Variants in REPS1 observed in about 807,000 individuals in gnomAD.
REPS1 encodes the protein RALBP1 associated Eps domain containing 1, also known as ralBP1-associated Eps domain-containing protein 1.
A neutral mutation model predicts 100.9 loss-of-function variants in REPS1; 39 were observed. The observed-to-expected ratio is 0.39, with a 90% confidence interval of 0.30 to 0.50. The LOEUF (loss-of-function observed/expected upper bound fraction) is 0.50, where lower values mean the gene tolerates loss of function less well. Among genes scored for constraint, REPS1 ranks in the 20% least tolerant of loss-of-function variants. REPS1 has a pLI of 0.86. For missense variants in REPS1, 821 were observed against 968.5 expected, an observed-to-expected ratio of 0.85 and a Z score of 2.02; for synonymous variants, 324 against 340.3, an observed-to-expected ratio of 0.95 and a Z score of 0.53.
At position 138,916,182 on chromosome 6, in the gene REPS1, T is replaced by A. The variant is rs1780364821; in HGVS notation, c.1602-206A>T. 5 of 515,946 alleles carry A rather than the reference T, an allele frequency of 9.7e-6. No individual in the cohort carries two copies. In the South Asian group the frequency reaches 1.1e-4, roughly 11 times the overall value. 32.0% of individuals were successfully genotyped at this position (515,946 alleles called of 1,614,324 possible). A position where few individuals can be genotyped will look rare whatever the true frequency, so the allele number is the denominator to read the frequency against. On this transcript the variant is annotated intron_variant, in intron 13 of 19. Coordinates refer to ENST00000450536, the MANE Select transcript of REPS1 (RefSeq NM_001286611.2). ...TGATTATTTTATGTGGCTAACAATT[T>A]TTTTAATAAAGTTATTAAGCAAAAT...
rs1367148740 is a variant in REPS1, at chr6:138,987,980, A to C, written c.-298T>G. Reference sequence around the variant, plus strand: ...TCCGGCCGCGGGGAGGGTGCAGAGAAAGAGGCGGGGGCCGCGGAGGCGCGA... The same window carrying C: ...TCCGGCCGCGGGGAGGGTGCAGAGACAGAGGCGGGGGCCGCGGAGGCGCGA... On this transcript the variant is annotated 5_prime_UTR_variant, in exon 1 of 20. Transcript: ENST00000450536. 5.1e-6 allele frequency: 2 copies of C among 389,962 alleles called. No homozygotes were observed. Among genetic ancestry groups the C allele is most frequent in the Non-Finnish European group, 9.0e-6 (2 of 221,034 alleles). 24.2% of individuals were successfully genotyped at this position (389,962 alleles called of 1,614,324 possible).
chr6:138,976,226 A>C (rs1262036793), intron 1 of REPS1, among the ~76,000 whole-genome samples: 1 of 152,222 alleles, frequency 6.6e-6, no homozygotes, highest in East Asian at 1.9e-4. Flanking sequence ...TCTTGTTTCA[A>C]GGATATAGAT....
At chr6:138,974,037 C>T (rs977657740) in intron 1 of REPS1, among the ~76,000 whole-genome samples, 4 of 152,108 alleles carry the variant, frequency 2.6e-5, no homozygotes, top group African/African-American at 9.7e-5. Flanking sequence ...ATGTCTCCTT[C>T]ACTCACCTCT....
At chr6:138,936,581 C>A (rs185246447) in intron 8 of REPS1, among the ~76,000 whole-genome samples, 1 of 102,364 alleles carries the variant, frequency 9.8e-6, no homozygotes, top group Non-Finnish European at 1.9e-5. Context: ...CAGAGAGAGA[C>A]GGCAGGGTGG....
intron 1 of REPS1, among the ~76,000 whole-genome samples, chr6:138,953,068 C>T (rs1413385336): frequency 6.6e-6 from 1 of 151,936 alleles, no homozygotes; most frequent in East Asian, 1.9e-4. Context: ...AACTCCTGAC[C>T]TCAAGTGATC....
chr6:138,975,811 G>A (rs1350339033), intron 1 of REPS1, among the ~76,000 whole-genome samples: 2 of 152,098 alleles, frequency 1.3e-5, no homozygotes, highest in Admixed American at 6.6e-5. Flanking sequence ...TCCAGCCTGG[G>A]AGACAGAGCC....
At chr6:138,941,526 C>A (rs748147883) in intron 7 of REPS1, 37 bp from the exon 8 acceptor site, 1 of 1,559,270 alleles carries the variant, frequency 6.4e-7, no homozygotes, top group South Asian at 1.2e-5. Flanking sequence ...AATCACATTC[C>A]GCTTTGGATC....
rs7771754 is a variant in REPS1, at chr6:138,944,997, A to C, written c.628+222T>G. On this transcript the variant is annotated intron_variant, in intron 4 of 19. Coordinates refer to ENST00000450536, the MANE Select transcript of REPS1 (RefSeq NM_001286611.2). ...TATTTAACTTAAACTTACAATTAAA[A>C]ACTATCTGGGAGGCAACTCCTGAAG... Among the ~76,000 whole-genome samples, 696 of 152,338 alleles carry C rather than the reference A, an allele frequency of 4.6e-3. 7 individuals carry two copies. The highest frequency in any genetic ancestry group is 0.016 in the African/African-American group (653 of 41,576).
At chr6:138,909,263 A>C (rs1187447590) in intron 17 of REPS1, among the ~76,000 whole-genome samples, 1 of 152,234 alleles carries the variant, frequency 6.6e-6, no homozygotes, top group African/African-American at 2.4e-5. Flanking sequence ...TAAAAAACCA[A>C]AAACATCATT....
At chr6:138,920,993 G>T (rs753581859) in intron 11 of REPS1, 44 bp downstream of exon 11, 131 of 1,349,570 alleles carry the variant, frequency 9.7e-5, no homozygotes, top group Non-Finnish European at 1.3e-4. Context: ...ACATATTTCA[G>T]TTTGATGTAA....
chr6:138,952,390 ATT>A lies in REPS1; in HGVS notation c.154-4479_154-4478del, dbSNP rs146276457. Among the ~76,000 whole-genome samples the A allele has an allele frequency of 6.7e-3, 1,007 of 150,122 alleles. 15 individuals carry two copies. Among genetic ancestry groups the A allele is most frequent in the African/African-American group, 0.023 (938 of 40,902 alleles). The stretch of plus-strand genomic sequence containing the variant: ...AAACCAATATACAAAAATCAGTAGC[ATT>A]TTTTTTTCTTTTTTTTTTTCCTCTG... On this transcript the variant is annotated intron_variant, in intron 1 of 19. Coordinates refer to ENST00000450536, the MANE Select transcript of REPS1 (RefSeq NM_001286611.2).
chr6:138,907,336 GTGT>G, intron 19 of REPS1, 156 bp downstream of exon 19: 1 of 494,900 alleles, frequency 2.0e-6, no homozygotes, highest in Non-Finnish European at 3.7e-6. Flanking sequence ...GTGTGTGTGT[GTGT>G]GGCGGGGAGG....
intron 17 of REPS1, among the ~76,000 whole-genome samples, chr6:138,909,791 CAATT>C (rs1031723785): frequency 2.4e-5 from 3 of 124,034 alleles, no homozygotes; most frequent in African/African-American, 8.2e-5. Flanking sequence ...AGCTGTGAGT[CAATT>C]AAATCTCTTT....
At chr6:138,970,439 T>C (rs1378436462) in intron 1 of REPS1, among the ~76,000 whole-genome samples, 2 of 133,904 alleles carry the variant, frequency 1.5e-5, no homozygotes, top group African/African-American at 2.9e-5. Context: ...AGGATAACAA[T>C]GAACTTTAAG....
Position 138,908,809 on chromosome 6 carries a change from C to T in REPS1, c.2075G>A (p.Gly692Asp), listed in dbSNP as rs1779827815. The T allele has an allele frequency of 6.2e-7, 1 of 1,612,694 alleles. No homozygotes were observed. The highest frequency in any genetic ancestry group is 1.7e-5 in the Admixed American group (1 of 59,698). The change falls in exon 18 of 20, where the codon GGC (glycine) becomes GAC (aspartate). Residue 692 changes from glycine to aspartate, a missense_variant. By Grantham distance (94) the Gly-to-Asp change is moderately conservative. Coordinates refer to ENST00000450536, the MANE Select transcript of REPS1 (RefSeq NM_001286611.2). ...AASAPANVSK[G>D]TTPLAPPPKP... ...AGGTGGTGGAGCAAGTGGTGTTGTG[C>T]CTTTGCTCTTTAAGACAAGAATTCC...
intron 1 of REPS1, among the ~76,000 whole-genome samples, chr6:138,964,906 G>A (rs1468195156): frequency 2.0e-5 from 3 of 152,076 alleles, no homozygotes; most frequent in Non-Finnish European, 4.4e-5. Flanking sequence ...TTGGAGGGTA[G>A]AATTCACTCT....
intron 2 of REPS1, among the ~76,000 whole-genome samples, chr6:138,947,286 G>C (rs994550716): frequency 6.6e-6 from 1 of 152,056 alleles, no homozygotes; most frequent in South Asian, 2.1e-4. Context: ...ATTTTAGTCT[G>C]CCAATATTTT....
rs77382234 is a variant in REPS1 at position 138,967,986 on chromosome 6, C to T, written c.153+19544G>A. Among the ~76,000 whole-genome samples the T allele has an allele frequency of 2.8e-3, 423 of 152,230 alleles. 1 individual carries two copies. Among genetic ancestry groups the T allele is most frequent in the African/African-American group, 6.9e-3 (287 of 41,528 alleles). ...TTAAGTACAGATGCTCCTTAACTTA[C>T]GATGGGGTCACATCCCGATAAACCC... On this transcript the variant is annotated intron_variant, in intron 1 of 19. Coordinates refer to ENST00000450536, the MANE Select transcript of REPS1 (RefSeq NM_001286611.2).
At chr6:138,977,428 G>A (rs963432451) in intron 1 of REPS1, among the ~76,000 whole-genome samples, 3 of 152,072 alleles carry the variant, frequency 2.0e-5, no homozygotes, top group African/African-American at 7.2e-5. Flanking sequence ...CAAACACCTG[G>A]GCTTAAGCTA....
Sources: allele counts gnomAD v4.1 joint callset (sites outside exome capture counted in the v4.1 genomes callset), GRCh38; gene constraint gnomAD v4.1.1; transcripts MANE v1.5; gene names NCBI Gene and HGNC (gene_info 2026-07-23, HGNC 2026-07-21).